The following POLD3 variants were observed in gnomAD, a reference collection of about 807,000 sequenced individuals.
POLD3 encodes DNA polymerase delta 3, accessory subunit, also known as DNA polymerase delta subunit 3.
POLD3 carries 19 observed loss-of-function variants against 58.2 expected under a neutral mutation model. The observed-to-expected ratio is 0.33, with a 90% CI of 0.23 to 0.48. The LOEUF (loss-of-function observed/expected upper bound fraction) is 0.48. Among genes scored for constraint, POLD3 ranks in the 20% least tolerant of loss-of-function variants. The pLI is 0.99. For missense variants in POLD3, 504 were observed against 545.5 expected (o/e 0.92, Z 0.76); for synonymous variants, 172 against 193.5 (o/e 0.89, Z 0.92).
intron 8 of POLD3, among the ~76,000 whole-genome samples, chr11:74,625,872 TGTGTG>T (rs1265918467): frequency 6.4e-4 from 20 of 31,328 alleles, no homozygotes; most frequent in Admixed American, 1.5e-3. Context: ...TGTGCCTAGT[TGTGTG>T]TGTGTGTGTG....
intron 5 of POLD3, among the ~76,000 whole-genome samples, chr11:74,617,204 G>C (rs1025043565): frequency 1.3e-5 from 2 of 152,086 alleles, no homozygotes; most frequent in African/African-American, 4.8e-5. Flanking sequence ...TGTGTGAAAC[G>C]GCACTTCTAT....
intron 4 of POLD3, among the ~76,000 whole-genome samples, chr11:74,657,039 T>G (rs1303831810): frequency 5.2e-5 from 4 of 76,666 alleles, no homozygotes; most frequent in Non-Finnish European, 8.5e-5. Flanking sequence ...TATAATGACC[T>G]TCCTTGTCTC....
At chr11:74,638,382 C>A (rs553267675) in intron 11 of POLD3, among the ~76,000 whole-genome samples, 7 of 152,140 alleles carry the variant, frequency 4.6e-5, no homozygotes, top group African/African-American at 1.4e-4. Flanking sequence ...AATGAGACAG[C>A]CATTGATTTC....
intron 2 of POLD3, among the ~76,000 whole-genome samples, chr11:74,594,335 A>G (rs1165498916): frequency 5.9e-5 from 9 of 152,194 alleles, no homozygotes; most frequent in Non-Finnish European, 1.5e-5. Flanking sequence ...TCCATCTTAT[A>G]TGAACACCAG....
At chr11:74,598,473 C>T (rs2031357371) in intron 2 of POLD3, among the ~76,000 whole-genome samples, 1 of 152,152 alleles carries the variant, frequency 6.6e-6, no homozygotes, top group African/African-American at 2.4e-5. Flanking sequence ...AATGTAGTGC[C>T]TGGAAACATC....
At chr11:74,654,560 C>T (rs2033109286) in intron 4 of POLD3, among the ~76,000 whole-genome samples, 1 of 152,142 alleles carries the variant, frequency 6.6e-6, no homozygotes, top group African/African-American at 2.4e-5. Flanking sequence ...TAAAGGCTTA[C>T]AACAAATTGA....
At chr11:74,592,919 C>T in intron 1 of POLD3, 1 of 1,419,036 alleles carries the variant, frequency 7.0e-7, no homozygotes, top group Non-Finnish European at 9.2e-7. Context: ...ACACGGAAGT[C>T]CGCGTCCCTT....
intron 7 of POLD3, among the ~76,000 whole-genome samples, chr11:74,620,321 T>C (rs1279817080): frequency 1.3e-5 from 2 of 152,198 alleles, no homozygotes; most frequent in African/African-American, 4.8e-5. Flanking sequence ...TATTCCTGGT[T>C]TAACTTCCTG....
intron 4 of POLD3, among the ~76,000 whole-genome samples, chr11:74,650,697 A>G (rs371902719): frequency 6.6e-6 from 1 of 151,834 alleles, no homozygotes; most frequent in East Asian, 1.9e-4. Context: ...GCCAACTCCA[A>G]CCCTCCTCAG....
chr11:74,614,626 C>T (rs1037889635), intron 5 of POLD3, among the ~76,000 whole-genome samples: 2 of 151,874 alleles, frequency 1.3e-5, no homozygotes, highest in Admixed American at 6.6e-5. Flanking sequence ...AGGAGAATGG[C>T]GTGAACACGG....
chr11:74,619,954 AC>A (rs2032201301), intron 6 of POLD3, 62 bp from the exon 7 acceptor site: 1 of 1,281,040 alleles, frequency 7.8e-7, no homozygotes, highest in Non-Finnish European at 1.1e-6. Flanking sequence ...TTTGTTTGAG[AC>A]TGCTACTTCA....
At chr11:74,663,109 C>T (rs1194740366) in intron 4 of POLD3, among the ~76,000 whole-genome samples, 1 of 152,130 alleles carries the variant, frequency 6.6e-6, no homozygotes, top group Admixed American at 6.5e-5. Context: ...ATTTTTGGTT[C>T]CTATAAAGGT....
At position 74,659,622 on chromosome 11, in the gene POLD3, C is replaced by T. The variant is rs188281854; in HGVS notation, c.370-9155C>T. Among the ~76,000 whole-genome samples, 412 of 151,288 alleles carry T rather than the reference C, an allele frequency of 2.7e-3. 1 individual carries two copies. Among genetic ancestry groups the T allele is most frequent in the South Asian group, 8.3e-3 (40 of 4,822 alleles). On this transcript the variant is annotated intron_variant, in intron 4 of 4. Coordinates refer to the POLD3 transcript ENST00000524752. ...TTAGAAATTTCTTCTGCCAGATACC[C>T]TAAATAATCTCTCTCAAGTTCAAAG...
intron 2 of POLD3, among the ~76,000 whole-genome samples, chr11:74,604,321 T>C (rs1308908045): frequency 6.6e-6 from 1 of 152,224 alleles, no homozygotes; most frequent in Non-Finnish European, 1.5e-5. Context: ...TTAAGAGGCC[T>C]AGACAAATTA....
chr11:74,622,859 T>C (rs1315367657), intron 7 of POLD3, among the ~76,000 whole-genome samples: 1 of 152,244 alleles, frequency 6.6e-6, no homozygotes, highest in Non-Finnish European at 1.5e-5. Context: ...GAATTAAAAC[T>C]GTATGTCCAC....
intron 4 of POLD3, among the ~76,000 whole-genome samples, chr11:74,652,279 T>C (rs937497727): frequency 3.9e-5 from 6 of 152,206 alleles, no homozygotes; most frequent in African/African-American, 1.4e-4. Context: ...TACAACCATA[T>C]CTTTGATGCC....
Position 74,629,244 on chromosome 11 carries a change from T to A in POLD3, c.927T>A (p.Asp309Glu). The A allele has an allele frequency of 3.1e-6, 5 of 1,605,790 alleles. No individual in the cohort carries two copies. The highest frequency in any genetic ancestry group is 4.3e-6 in the Non-Finnish European group (5 of 1,175,140). The part of the protein sequence containing the change: ...KRGKRVALSD[D>E]ETKETENMRK... ...GGAAGCGAGTAGCATTATCTGATGA[T>A]GAGACAAAGGAAACTGAAAACATGA... Residue 309 changes from aspartate to glutamate, a missense_variant, in exon 9 of 12, where the codon GAT becomes GAA. Physicochemically the swap from Asp to Glu is conservative, Grantham distance 45. Around this residue, in one of 2 missense-constraint regions of POLD3, gnomAD observed 385 missense variants for 370.5 expected, o/e 1.04. Coordinates refer to ENST00000263681, the MANE Select transcript of POLD3 (RefSeq NM_006591.3).
chr11:74,656,880 T>C (rs1322146946), intron 4 of POLD3, among the ~76,000 whole-genome samples: 1 of 152,120 alleles, frequency 6.6e-6, no homozygotes, highest in Non-Finnish European at 1.5e-5. Context: ...AAATAACTAC[T>C]AGGTCAATTT....
chr11:74,639,791 G>A lies in POLD3; in HGVS notation c.1199-773G>A, dbSNP rs554424616. On this transcript the variant is annotated intron_variant, in intron 11 of 11. Transcript: ENST00000263681. ...GGGTTCAGTGAGTTTTAATAGCAGGGGAAAAGCAATTTATGCCTTCGGCTG... is the reference window on the plus strand; with the variant it reads ...GGGTTCAGTGAGTTTTAATAGCAGGAGAAAAGCAATTTATGCCTTCGGCTG... 7.2e-5 allele frequency among the ~76,000 whole-genome samples: 11 copies of A among 152,324 alleles called. No individual in the cohort carries two copies. The East Asian group carries it at 1.9e-3, about 27-fold the overall frequency.
Sources: allele counts gnomAD v4.1 joint callset (sites outside exome capture counted in the v4.1 genomes callset), GRCh38; gene constraint gnomAD v4.1.1; regional missense constraint gnomAD v4.1.1; transcripts MANE v1.5; gene names NCBI Gene and HGNC (gene_info 2026-07-23, HGNC 2026-07-21).